EBF1: variants seen among roughly 807,000 people sequenced by gnomAD.
EBF1 encodes the protein EBF transcription factor 1.
A neutral mutation model predicts 68.4 loss-of-function variants in EBF1; 10 were observed. That is an observed-to-expected ratio of 0.15 (90% CI 0.09 to 0.25). EBF1 has a LOEUF of 0.25. Among genes scored for constraint, EBF1 ranks in the 10% least tolerant of loss-of-function variants. The pLI is 1.00. For synonymous variants in EBF1, 298 were observed against 299.8 expected, an observed-to-expected ratio of 0.99 and a Z score of 0.06; for missense variants, 509 against 794.4, an observed-to-expected ratio of 0.64 and a Z score of 4.32.
intron 6 of EBF1, among the ~76,000 whole-genome samples, chr5:159,049,798 A>T (rs933520487): frequency 1.3e-5 from 2 of 152,342 alleles, no homozygotes; most frequent in Non-Finnish European, 1.5e-5. Flanking sequence ...GGTTTTCCTC[A>T]CTAAAATTAT....
intron 6 of EBF1, among the ~76,000 whole-genome samples, chr5:158,987,555 G>C (rs1343511149): frequency 6.6e-6 from 1 of 152,170 alleles, no homozygotes; most frequent in African/African-American, 2.4e-5. Flanking sequence ...GGCAGGAAAA[G>C]GTTCAGAGGA....
intron 6 of EBF1, among the ~76,000 whole-genome samples, chr5:158,995,196 C>A (rs1761155518): frequency 6.6e-6 from 1 of 152,114 alleles, no homozygotes; most frequent in Non-Finnish European, 1.5e-5. Context: ...CCAGGTGCTA[C>A]CCCAGATTTT....
intron 6 of EBF1, among the ~76,000 whole-genome samples, chr5:158,951,342 A>G (rs1246676620): frequency 6.6e-6 from 1 of 152,194 alleles, no homozygotes; most frequent in Non-Finnish European, 1.5e-5. Context: ...AGGCAATGGC[A>G]AAAGAGGGAA....
At chr5:158,867,714 C>CA (rs1458212015) in intron 6 of EBF1, among the ~76,000 whole-genome samples, 1 of 152,160 alleles carries the variant, frequency 6.6e-6, no homozygotes, top group African/African-American at 2.4e-5. Flanking sequence ...CCAAGACTTC[C>CA]ATATGGTTAG....
chr5:158,825,269 G>A (rs1268688742), intron 7 of EBF1, among the ~76,000 whole-genome samples: 1 of 152,162 alleles, frequency 6.6e-6, no homozygotes, highest in African/African-American at 2.4e-5. Context: ...TATTATTTAA[G>A]GCAACAGAAA....
chr5:158,939,259 T>G (rs1461857596), intron 6 of EBF1, among the ~76,000 whole-genome samples: 3 of 152,160 alleles, frequency 2.0e-5, no homozygotes, highest in Non-Finnish European at 4.4e-5. Context: ...ACTTATAGCC[T>G]AGACAGAGAA....
intron 6 of EBF1, among the ~76,000 whole-genome samples, chr5:158,989,869 A>G (rs1403501172): frequency 6.6e-6 from 1 of 152,194 alleles, no homozygotes; most frequent in Non-Finnish European, 1.5e-5. Context: ...AGTGCTATGG[A>G]GTGCATTATT....
intron 9 of EBF1, among the ~76,000 whole-genome samples, chr5:158,791,014 G>T (rs150211118): frequency 5.3e-5 from 8 of 152,166 alleles, no homozygotes; most frequent in African/African-American, 1.7e-4. Context: ...ATTCTCAGGG[G>T]AATAAACTCT....
At chr5:158,768,072 G>A (rs544713523) in intron 10 of EBF1, among the ~76,000 whole-genome samples, 3 of 152,024 alleles carry the variant, frequency 2.0e-5, no homozygotes, top group African/African-American at 4.8e-5. Flanking sequence ...TTTGGGAGCC[G>A]CTCCCAAGCT....
At chr5:158,828,718 T>C (rs1212428014) in intron 7 of EBF1, among the ~76,000 whole-genome samples, 1 of 152,206 alleles carries the variant, frequency 6.6e-6, no homozygotes, top group East Asian at 1.9e-4. Context: ...GTATTACTTC[T>C]ATAACTGCAT....
chr5:159,067,953 C>T (rs970341308), intron 6 of EBF1, among the ~76,000 whole-genome samples: 25 of 152,088 alleles, frequency 1.6e-4, no homozygotes, highest in Admixed American at 9.8e-4. Flanking sequence ...ACCAAGCAGT[C>T]AAGGTTACAA....
chr5:158,804,542 G>T (rs778511731), intron 8 of EBF1, among the ~76,000 whole-genome samples: 2 of 152,040 alleles, frequency 1.3e-5, no homozygotes, highest in African/African-American at 4.8e-5. Context: ...TTCATTACAC[G>T]GGGTTATTTG....
At position 158,774,443 on chromosome 5, in the gene EBF1, T is replaced by C. The variant is rs1774623072; in HGVS notation, c.1036+2970A>G. Among the ~76,000 whole-genome samples, 3 of 152,168 alleles carry C rather than the reference T, an allele frequency of 2.0e-5. No individual in the cohort carries two copies. In the South Asian group the frequency reaches 6.2e-4, roughly 32 times the overall value. On this transcript the variant is annotated intron_variant, in intron 10 of 15. Coordinates refer to ENST00000313708, the MANE Select transcript of EBF1 (RefSeq NM_024007.5). ...TACTTTAAAAACAGCAATAAGGCCT[T>C]AGTTTGGGGTGTTACTTTTCAGCTC...
intron 6 of EBF1, among the ~76,000 whole-genome samples, chr5:159,012,285 CA>C (rs969702778): frequency 1.5e-3 from 169 of 113,482 alleles, no homozygotes; most frequent in Non-Finnish European, 1.3e-3. Context: ...GACTCTGTCT[CA>C]AAAAAAAAAA....
At chr5:158,890,917 T>C (rs1390934848) in intron 6 of EBF1, among the ~76,000 whole-genome samples, 4 of 152,212 alleles carry the variant, frequency 2.6e-5, no homozygotes, top group African/African-American at 9.6e-5. Context: ...TACCTTATTA[T>C]GGAAACTATT....
At chr5:158,900,898 G>A (rs769007520) in intron 6 of EBF1, among the ~76,000 whole-genome samples, 6 of 149,832 alleles carry the variant, frequency 4.0e-5, no homozygotes, top group Non-Finnish European at 7.5e-5. Context: ...CAAAGCCTAA[G>A]AGATCTCTTC....
intron 10 of EBF1, among the ~76,000 whole-genome samples, chr5:158,745,287 A>T (rs529787770): frequency 5.9e-5 from 9 of 152,334 alleles, no homozygotes; most frequent in Non-Finnish European, 1.2e-4. Flanking sequence ...GATGGTGGAA[A>T]CCAATTTTGA....
At chr5:158,865,414 A>C (rs544619647) in intron 6 of EBF1, among the ~76,000 whole-genome samples, 29 of 152,340 alleles carry the variant, frequency 1.9e-4, no homozygotes, top group African/African-American at 7.0e-4. Flanking sequence ...GTAAAATGAG[A>C]ACTATAGTAT....
intron 7 of EBF1, among the ~76,000 whole-genome samples, chr5:158,830,559 C>G (rs1787323127): frequency 6.6e-6 from 1 of 152,214 alleles, no homozygotes; most frequent in Admixed American, 6.5e-5. Context: ...TGTAAGCCAA[C>G]ACAGTTGGCC....
Sources: allele counts gnomAD v4.1 joint callset (sites outside exome capture counted in the v4.1 genomes callset), GRCh38; gene constraint gnomAD v4.1.1; transcripts MANE v1.5; gene names NCBI Gene and HGNC (gene_info 2026-07-23, HGNC 2026-07-21).